Variants in SPATS2 observed in about 807,000 individuals in gnomAD.
SPATS2 encodes the protein spermatogenesis-associated serine-rich protein 2.
SPATS2 carries 38 observed loss-of-function variants against 63.7 expected under a neutral mutation model. The observed-to-expected ratio is 0.60, with a 90% CI of 0.46 to 0.78. SPATS2 has a LOEUF of 0.78. SPATS2 is among the 30% of genes least tolerant of loss of function. SPATS2 has a pLI of 0.00. For synonymous variants in SPATS2, 207 were observed against 232.9 expected (o/e 0.89, Z 1.01); for missense variants, 588 against 666.2 (o/e 0.88, Z 1.29).
intron 2 of SPATS2, among the ~76,000 whole-genome samples, chr12:49,437,478 A>G (rs371090475): frequency 3.9e-5 from 6 of 152,190 alleles, no homozygotes; most frequent in Admixed American, 6.5e-5. Context: ...CAAGGCAGGC[A>G]GCTGGGAGGT....
chr12:49,382,913 C>T (rs911482650), intron 2 of SPATS2, among the ~76,000 whole-genome samples: 4 of 151,896 alleles, frequency 2.6e-5, no homozygotes, highest in Non-Finnish European at 2.9e-5. Flanking sequence ...CCATGTTGGC[C>T]AGGCTGGTCA....
At chr12:49,403,640 C>A (rs59956261) in intron 2 of SPATS2, among the ~76,000 whole-genome samples, 1,515 of 143,036 alleles carry the variant, frequency 0.011, 29 homozygotes, top group African/African-American at 0.038. Context: ...CACACACACA[C>A]AAACAAAACT....
rs147335434 is a variant in SPATS2 at position 49,498,790 on chromosome 12, AT to A, written c.704-1260del. Among the ~76,000 whole-genome samples, 618 of 95,070 alleles carry A rather than the reference AT, an allele frequency of 6.5e-3. 1 individual carries two copies. Among genetic ancestry groups the A allele is most frequent in the African/African-American group, 0.017 (450 of 25,736 alleles). The allele number at this position is 95,070 out of a possible 152,430, so 62.4% of individuals were successfully genotyped here. A position where few individuals can be genotyped will look rare whatever the true frequency, so the allele number is the denominator to read the frequency against. Reference sequence around the variant, plus strand: ...CTACCTTCTTGAACATATGGTATCTATTTTTTTTTTTTTTTTTTTTGAGATG... The same window carrying A: ...CTACCTTCTTGAACATATGGTATCTATTTTTTTTTTTTTTTTTTTGAGATG... On this transcript the variant is annotated intron_variant, in intron 8 of 13. Coordinates refer to ENST00000552918, the MANE Select transcript of SPATS2 (RefSeq NM_023071.4).
Position 49,496,818 on chromosome 12 carries a change from C to G in SPATS2, c.527-15C>G. The G allele has an allele frequency of 6.2e-7, 1 of 1,613,048 alleles. No individual in the cohort carries two copies. The highest frequency in any genetic ancestry group is 8.5e-7 in the Non-Finnish European group (1 of 1,179,610). On this transcript the variant is annotated splice_polypyrimidine_tract_variant and intron_variant, in intron 7 of 13. Transcript: ENST00000552918. The stretch of plus-strand genomic sequence containing the variant: ...CTAAATTGTGCTCTAAAGTACAGTC[C>G]TCTTTCTTGGACAGGATCCATGCTG...
At chr12:49,385,293 C>A (rs1454062010) in intron 2 of SPATS2, among the ~76,000 whole-genome samples, 81 of 139,938 alleles carry the variant, frequency 5.8e-4, no homozygotes, top group Middle Eastern at 3.7e-3. Context: ...AAAAAAAAAA[C>A]AAAAACCATG....
At chr12:49,404,888 A>T (rs1422905023) in intron 2 of SPATS2, among the ~76,000 whole-genome samples, 2 of 152,222 alleles carry the variant, frequency 1.3e-5, no homozygotes, top group African/African-American at 4.8e-5. Flanking sequence ...GGTTGAAAGA[A>T]TAAAAAGGAG....
chr12:49,519,208 TTTC>T (rs770046149), intron 11 of SPATS2, 26 bp downstream of exon 11: 1 of 1,580,002 alleles, frequency 6.3e-7, no homozygotes, highest in Non-Finnish European at 8.7e-7. Context: ...GCTTTCTGCC[TTTC>T]TTCTTATCCT....
chr12:49,401,369 C>T (rs759797648), intron 2 of SPATS2, among the ~76,000 whole-genome samples: 2 of 152,124 alleles, frequency 1.3e-5, no homozygotes, highest in Non-Finnish European at 2.9e-5. Flanking sequence ...AGTAGATGGA[C>T]AGCTGCATTT....
At chr12:49,484,018 A>G (rs959047063) in intron 3 of SPATS2, among the ~76,000 whole-genome samples, 1 of 152,258 alleles carries the variant, frequency 6.6e-6, no homozygotes, top group South Asian at 2.1e-4. Context: ...TTGTAAGTAC[A>G]GAGAAACCAG....
intron 4 of SPATS2, among the ~76,000 whole-genome samples, chr12:49,485,343 C>G (rs1946272874): frequency 6.6e-6 from 1 of 151,652 alleles, no homozygotes; most frequent in Admixed American, 6.6e-5. Context: ...CGTGAGCCAC[C>G]ATGCCCGGCC....
intron 3 of SPATS2, among the ~76,000 whole-genome samples, chr12:49,465,817 G>A (rs1012616578): frequency 6.6e-6 from 1 of 151,988 alleles, no homozygotes; most frequent in Non-Finnish European, 1.5e-5. Context: ...GGTGGCGGGT[G>A]CGTGTAATCC....
intron 2 of SPATS2, among the ~76,000 whole-genome samples, chr12:49,419,947 A>T (rs1944951198): frequency 1.3e-5 from 2 of 152,244 alleles, no homozygotes; most frequent in Admixed American, 1.3e-4. Flanking sequence ...CATTTCTGAA[A>T]TGATGAAGCT....
intron 2 of SPATS2, among the ~76,000 whole-genome samples, chr12:49,459,341 T>C (rs1238398576): frequency 2.6e-5 from 4 of 151,908 alleles, no homozygotes; most frequent in Admixed American, 2.6e-4. Flanking sequence ...TTATTATTAT[T>C]TATTTTATTA....
Position 49,390,987 on chromosome 12 carries a change from T to C in SPATS2, c.-244+19697T>C, listed in dbSNP as rs1359675842. Among the ~76,000 whole-genome samples, 7 of 152,318 alleles carry C rather than the reference T, an allele frequency of 4.6e-5. No individual in the cohort carries two copies. The East Asian group carries it at 1.2e-3, about 25-fold the overall frequency. On this transcript the variant is annotated intron_variant, in intron 2 of 13. Coordinates refer to ENST00000552918, the MANE Select transcript of SPATS2 (RefSeq NM_023071.4). ...ATGTAGTTCATTTAATTAACAGAAT[T>C]GAAGTGTTTGATATGGCAAAATAGG... is the stretch of plus-strand genomic sequence containing the variant.
chr12:49,427,725 T>C (rs957219999), intron 2 of SPATS2, among the ~76,000 whole-genome samples: 1 of 152,180 alleles, frequency 6.6e-6, no homozygotes, highest in Non-Finnish European at 1.5e-5. Flanking sequence ...GTGAGTCTGT[T>C]TGGTAACTTG....
rs749954777 is a variant in SPATS2, at chr12:49,376,092, ATTT to A, written c.-244+4827_-244+4829del. ...GGCATGAACCACTGCACCTGGCCTG[ATTT>A]TTTTTTTTTTTTTTTTTTTTTTTTA... On this transcript the variant is annotated intron_variant, in intron 2 of 13. Coordinates refer to ENST00000552918, the MANE Select transcript of SPATS2 (RefSeq NM_023071.4). Among the ~76,000 whole-genome samples, 88 of 81,078 alleles carry A rather than the reference ATTT, an allele frequency of 1.1e-3. 1 individual carries two copies. Among genetic ancestry groups the A allele is most frequent in the African/African-American group, 4.2e-3 (74 of 17,564 alleles). The allele number at this position is 81,078 out of a possible 152,430, so 53.2% of individuals were successfully genotyped here. A position where few individuals can be genotyped will look rare whatever the true frequency, so the allele number is the denominator to read the frequency against.
chr12:49,380,740 T>C (rs1944203870), intron 2 of SPATS2, among the ~76,000 whole-genome samples: 2 of 151,968 alleles, frequency 1.3e-5, no homozygotes, highest in South Asian at 4.1e-4. Flanking sequence ...TATCTATTTA[T>C]GGTTAGTTGT....
chr12:49,428,204 G>A (rs928380237), intron 2 of SPATS2, among the ~76,000 whole-genome samples: 2 of 151,556 alleles, frequency 1.3e-5, no homozygotes, highest in Non-Finnish European at 2.9e-5. Context: ...GCAGTGAGTC[G>A]AGATAGCGCC....
In SPATS2 at chr12:49,445,578, C is replaced by T. The variant is rs563944558; in HGVS notation, c.-243-15192C>T. 3.3e-5 allele frequency among the ~76,000 whole-genome samples: 5 copies of T among 152,036 alleles called. No individual in the cohort carries two copies. In the East Asian group the frequency reaches 5.8e-4, roughly 18 times the overall value. ...TGTCACCCAGGCTGGAGTGTAGTGG[C>T]GCGATCTTGGGTCACTGCAGCCTCA... is the stretch of plus-strand genomic sequence containing the variant. On this transcript the variant is annotated intron_variant, in intron 2 of 13. Coordinates refer to ENST00000552918, the MANE Select transcript of SPATS2 (RefSeq NM_023071.4).
Sources: gnomAD v4.1 joint callset for allele counts (sites outside exome capture counted in the v4.1 genomes callset) on GRCh38, gnomAD v4.1.1 for gene constraint, MANE v1.5 for transcripts, NCBI Gene and HGNC (gene_info 2026-07-23, HGNC 2026-07-21) for gene names.